Variants in TANC2 observed in about 807,000 individuals in gnomAD.
TANC2 encodes protein TANC2.
A neutral mutation model predicts 210.5 loss-of-function variants in TANC2; 26 were observed. That is an observed-to-expected ratio of 0.12 (90% CI 0.09 to 0.17). TANC2 has a LOEUF of 0.17. TANC2 is among the 10% of genes least tolerant of loss of function. The pLI is 1.00. For synonymous variants in TANC2, 931 were observed against 967.1 expected (o/e 0.96, Z 0.69); for missense variants, 2,129 against 2,608.9 (o/e 0.82, Z 4.01).
At chr17:63,314,554 T>C (rs748092332) in exon 10 of TANC2, 2 of 1,613,922 alleles carry the variant, frequency 1.2e-6, no homozygotes, top group Admixed American at 1.7e-5. Context: ...GAGTAGTGAT[T>C]GTGGGAAACA....
At chr17:62,989,167 A>G (rs972659629) in intron 1 of TANC2, among the ~76,000 whole-genome samples, 2 of 152,144 alleles carry the variant, frequency 1.3e-5, no homozygotes, top group African/African-American at 4.8e-5. Context: ...TGCTTCTTTT[A>G]GGCAGAACTG....
At chr17:63,060,147 T>C (rs1401119338) in intron 2 of TANC2, among the ~76,000 whole-genome samples, 1 of 152,228 alleles carries the variant, frequency 6.6e-6, no homozygotes, top group African/African-American at 2.4e-5. Flanking sequence ...AATTACTCGC[T>C]TGCTTTATCC....
intron 9 of TANC2, among the ~76,000 whole-genome samples, chr17:63,302,884 C>T (rs1204352191): frequency 5.3e-5 from 8 of 151,904 alleles, no homozygotes; most frequent in Non-Finnish European, 8.8e-5. Context: ...CTGCCTCAGC[C>T]CCCCTAGTAG....
At chr17:63,357,682 G>A (rs886306111) in intron 14 of TANC2, among the ~76,000 whole-genome samples, 1 of 152,222 alleles carries the variant, frequency 6.6e-6, no homozygotes, top group Non-Finnish European at 1.5e-5. Context: ...CAGTGCTTAA[G>A]GCTCCCTAGG....
chr17:63,278,928 C>T (rs551006237), intron 9 of TANC2, among the ~76,000 whole-genome samples: 1 of 152,090 alleles, frequency 6.6e-6, no homozygotes, highest in South Asian at 2.1e-4. Flanking sequence ...ATAGTGGTTG[C>T]CAGGAGCTGG....
At chr17:63,212,092 A>G (rs530824087) in intron 7 of TANC2, among the ~76,000 whole-genome samples, 4 of 151,788 alleles carry the variant, frequency 2.6e-5, no homozygotes, top group Non-Finnish European at 5.9e-5. Flanking sequence ...AAGTGTTCTC[A>G]TTGTTCAGTT....
At chr17:63,074,330 A>G (rs1030407595) in intron 3 of TANC2, among the ~76,000 whole-genome samples, 2 of 152,160 alleles carry the variant, frequency 1.3e-5, no homozygotes, top group Non-Finnish European at 2.9e-5. Flanking sequence ...TTGTTGGAGT[A>G]TCATCACACA....
chr17:63,389,857 AAGG>A (rs2047908019), intron 17 of TANC2: 1 of 345,862 alleles, frequency 2.9e-6, no homozygotes, highest in Non-Finnish European at 5.5e-6. Flanking sequence ...CAAAGAGAGG[AAGG>A]AGAAGTGAGG....
At chr17:63,288,646 G>A (rs566799869) in intron 9 of TANC2, among the ~76,000 whole-genome samples, 1 of 152,024 alleles carries the variant, frequency 6.6e-6, no homozygotes, top group Non-Finnish European at 1.5e-5. Flanking sequence ...GATCTATAAG[G>A]ATCTTCATAT....
chr17:63,174,082 C>A (rs2040497951), intron 5 of TANC2, among the ~76,000 whole-genome samples: 1 of 152,232 alleles, frequency 6.6e-6, no homozygotes, highest in South Asian at 2.1e-4. Flanking sequence ...TGACAGCTGC[C>A]ATGCTGTCAC....
At chr17:63,338,077 C>T (rs1159573104) in intron 11 of TANC2, among the ~76,000 whole-genome samples, 1 of 152,206 alleles carries the variant, frequency 6.6e-6, no homozygotes, top group Non-Finnish European at 1.5e-5. Flanking sequence ...CTGCAGTGAA[C>T]ATACGTGTGC....
intron 4 of TANC2, among the ~76,000 whole-genome samples, chr17:63,104,665 A>G (rs952998616): frequency 6.6e-6 from 1 of 152,230 alleles, no homozygotes; most frequent in Admixed American, 6.5e-5. Context: ...TAAATGATAC[A>G]TATGCAGACA....
chr17:63,130,098 A>G (rs915114122), intron 4 of TANC2, among the ~76,000 whole-genome samples: 3 of 152,226 alleles, frequency 2.0e-5, no homozygotes, highest in South Asian at 4.1e-4. Flanking sequence ...TTATAGATGT[A>G]TAGAGTTATA....
At chr17:63,000,207 A>G (rs2033310330) in intron 1 of TANC2, among the ~76,000 whole-genome samples, 1 of 152,198 alleles carries the variant, frequency 6.6e-6, no homozygotes, top group South Asian at 2.1e-4. Flanking sequence ...AAATCTGCCC[A>G]TGTCCCCTTG....
rs916870377 is a variant in TANC2 at position 62,966,649 on chromosome 17, C to T, written c.-124C>T. Among the ~76,000 whole-genome samples the T allele has an allele frequency of 2.0e-5, 3 of 151,990 alleles. No homozygotes were observed. The East Asian group carries it at 5.9e-4, about 30-fold the overall frequency. The stretch of plus-strand genomic sequence containing the variant: ...GGGCGTTGGAGGACTGCGAGGTGCT[C>T]CGGGAATCGCGGGCGGCGCCGGCGG... On this transcript the variant is annotated 5_prime_UTR_variant, in exon 1 of 28. Coordinates refer to ENST00000689528, the Ensembl canonical transcript of TANC2. The surrounding 1 kb of genome is among the most constrained non-coding windows in gnomAD (Gnocchi z 5.1).
chr17:63,028,854 T>G (rs2034657821), intron 2 of TANC2, among the ~76,000 whole-genome samples: 1 of 152,074 alleles, frequency 6.6e-6, no homozygotes, highest in Non-Finnish European at 1.5e-5. Context: ...CAGGCCAGTG[T>G]TGTTGTTAAA....
At chr17:63,287,250 A>T (rs1295343647) in intron 9 of TANC2, among the ~76,000 whole-genome samples, 3 of 152,088 alleles carry the variant, frequency 2.0e-5, no homozygotes, top group Admixed American at 2.0e-4. Context: ...AGATGTTCTA[A>T]TTTTATATCT....
In TANC2 at chr17:63,322,371, G is replaced by A. The variant is rs2927290; in HGVS notation, c.1575+3281G>A. ...AAATTAGCCGGGCGTGGTGGCGGGCGCCTGTAGTCCCAGCTACTCGGGAGG... is the reference window on the plus strand; with the variant it reads ...AAATTAGCCGGGCGTGGTGGCGGGCACCTGTAGTCCCAGCTACTCGGGAGG... On this transcript the variant is annotated intron_variant, in intron 11 of 27. Transcript: ENST00000689528. Among the ~76,000 whole-genome samples, 931 of 152,184 alleles carry A rather than the reference G, an allele frequency of 6.1e-3. 11 individuals carry two copies. The highest frequency in any genetic ancestry group is 0.021 in the African/African-American group (851 of 41,506).
At chr17:63,163,815 A>T (rs1449010151) in intron 5 of TANC2, among the ~76,000 whole-genome samples, 2 of 152,206 alleles carry the variant, frequency 1.3e-5, no homozygotes, top group African/African-American at 4.8e-5. Context: ...AGGAAATCCT[A>T]TTCTAAGGAT....
Sources: allele counts gnomAD v4.1 joint callset (sites outside exome capture counted in the v4.1 genomes callset), GRCh38; gene constraint gnomAD v4.1.1; non-coding constraint Gnocchi (gnomAD v3.1); transcripts MANE v1.5; gene names NCBI Gene and HGNC (gene_info 2026-07-23, HGNC 2026-07-21).